ZNF254: variants seen among roughly 807,000 people sequenced by gnomAD.
ZNF254 encodes zinc finger protein 254.
ZNF254 carries 10 observed loss-of-function variants against 12.4 expected under a neutral mutation model. The observed-to-expected ratio is 0.80, with a 90% confidence interval of 0.50 to 1.36. ZNF254 has a LOEUF of 1.36. ZNF254 is among the 40% of genes most tolerant of loss of function. The pLI is 0.00. For synonymous variants in ZNF254, 305 were observed against 253.4 expected, an observed-to-expected ratio of 1.20 and a Z score of -1.93; for missense variants, 996 against 763.9, an observed-to-expected ratio of 1.30 and a Z score of -3.58.
intron 1 of ZNF254, among the ~76,000 whole-genome samples, chr19:24,088,964 CTTTTTTTTTTTTTT>C (rs74175785): frequency 9.9e-4 from 98 of 99,280 alleles, no homozygotes; most frequent in South Asian, 1.3e-3. Context: ...GCCAATTAAT[CTTTTTTTTTTTTTT>C]TTTTTTTTTT....
intron 1 of ZNF254, among the ~76,000 whole-genome samples, chr19:24,039,426 ATTTG>A (rs1450132072): frequency 1.3e-5 from 2 of 151,954 alleles, no homozygotes; most frequent in Non-Finnish European, 2.9e-5. Flanking sequence ...GTTGTTTTTT[ATTTG>A]TTTATTTTTT....
chr19:24,039,079 T>C (rs918479201), intron 1 of ZNF254, among the ~76,000 whole-genome samples: 7 of 152,252 alleles, frequency 4.6e-5, no homozygotes, highest in Non-Finnish European at 8.8e-5. Context: ...CCATTCTGTG[T>C]TGGAGCAGTC....
intron 1 of ZNF254, among the ~76,000 whole-genome samples, chr19:24,036,369 T>G (rs1286692027): frequency 2.6e-5 from 4 of 152,092 alleles, no homozygotes; most frequent in Non-Finnish European, 4.4e-5. Context: ...AACTATAATG[T>G]TTTGCTAAGT....
In ZNF254 at chr19:24,126,227, A is replaced by G. The variant is rs767710236; in HGVS notation, c.254-27A>G. 4.4e-6 allele frequency: 6 copies of G among 1,375,584 alleles called. No individual in the cohort carries two copies. The Admixed American group carries it at 1.5e-4, about 34-fold the overall frequency. 85.2% of individuals were successfully genotyped at this position (1,375,584 alleles called of 1,614,324 possible). ...TCATGTGAGTCTAGTAAGTGGAGTA[A>G]TTTATTTATTTTTATTTTTTTTTCA... is the stretch of plus-strand genomic sequence containing the variant. On this transcript the variant is annotated intron_variant, in intron 3 of 3. Transcript: ENST00000357002.
chr19:24,039,168 C>T (rs1368074213), intron 1 of ZNF254, among the ~76,000 whole-genome samples: 1 of 147,874 alleles, frequency 6.8e-6, no homozygotes, highest in Non-Finnish European at 1.5e-5. Context: ...TACCTAGAAT[C>T]CACACATAAG....
chr19:24,118,708 A>G (rs1403396012), intron 3 of ZNF254, among the ~76,000 whole-genome samples: 1 of 152,090 alleles, frequency 6.6e-6, no homozygotes, highest in African/African-American at 2.4e-5. Context: ...GAAGTGTAGT[A>G]TAGTTAAATT....
intron 3 of ZNF254, among the ~76,000 whole-genome samples, chr19:24,119,210 G>T (rs1453744987): frequency 1.3e-5 from 2 of 151,116 alleles, no homozygotes; most frequent in African/African-American, 2.4e-5. Flanking sequence ...TATTTTTTTT[G>T]AGATGAAGTC....
At chr19:24,044,602 C>T (rs1449687159) in intron 1 of ZNF254, among the ~76,000 whole-genome samples, 1 of 151,612 alleles carries the variant, frequency 6.6e-6, no homozygotes, top group African/African-American at 2.4e-5. Context: ...TATATTGATT[C>T]GTGTTTATAT....
intron 1 of ZNF254, among the ~76,000 whole-genome samples, chr19:24,037,364 C>T (rs1164344126): frequency 2.0e-5 from 3 of 152,146 alleles, no homozygotes; most frequent in South Asian, 2.1e-4. Flanking sequence ...CAGTCTTCAT[C>T]CTTGAAAATA....
intron 2 of ZNF254, among the ~76,000 whole-genome samples, chr19:24,073,942 C>T (rs577492993): frequency 2.0e-5 from 3 of 152,218 alleles, no homozygotes; most frequent in East Asian, 1.9e-4. Context: ...TTTGATTCTC[C>T]TCCCTGGTGC....
At chr19:24,117,159 TGAG>T (rs1201196160) in intron 3 of ZNF254, among the ~76,000 whole-genome samples, 4 of 152,080 alleles carry the variant, frequency 2.6e-5, no homozygotes, top group African/African-American at 4.8e-5. Context: ...GGGACCCACT[TGAG>T]GAGTCTGTCT....
At chr19:24,086,303 T>C (rs1267436223), upstream of ZNF254, among the ~76,000 whole-genome samples, 3 of 152,262 alleles carry the variant, frequency 2.0e-5, no homozygotes, top group East Asian at 5.8e-4. Flanking sequence ...ACTTTATTTT[T>C]GTTATTTTAT....
rs1176920870 is a variant in ZNF254, at chr19:24,071,573, G to A, written c.-94+25294G>A. Among the ~76,000 whole-genome samples the A allele has an allele frequency of 2.0e-5, 3 of 152,204 alleles. 1 individual carries two copies. The highest frequency in any genetic ancestry group is 2.0e-4 in the Admixed American group (3 of 15,282). ...ACATAGGGCATTTTGACATACCTCTGAAGCTCTAATTTAGGTAGACTGCTG... is the reference window on the plus strand; with the variant it reads ...ACATAGGGCATTTTGACATACCTCTAAAGCTCTAATTTAGGTAGACTGCTG... On this transcript the variant is annotated intron_variant, in intron 2 of 4. Coordinates refer to the ZNF254 transcript ENST00000613065.
At chr19:24,049,197 TA>T (rs1970531562) in intron 2 of ZNF254, among the ~76,000 whole-genome samples, 3 of 64,548 alleles carry the variant, frequency 4.6e-5, no homozygotes, top group South Asian at 5.5e-4. Context: ...TATATATATA[TA>T]TATATATATA....
Position 24,128,322 on chromosome 19 carries a change from A to T in ZNF254, c.*342A>T. On this transcript the variant is annotated 3_prime_UTR_variant, in exon 4 of 4. Coordinates refer to ENST00000357002, the MANE Select transcript of ZNF254 (RefSeq NM_203282.4). Reference sequence around the variant, plus strand: ...TTGGCAAAGTAAAAAATCCATTAACACCTGCTCACATCTTACTCAAAATTG... The same window carrying T: ...TTGGCAAAGTAAAAAATCCATTAACTCCTGCTCACATCTTACTCAAAATTG... 1 of 207,354 alleles carries T rather than the reference A, an allele frequency of 4.8e-6. No homozygotes were observed. The highest frequency in any genetic ancestry group is 2.3e-5 in the African/African-American group (1 of 43,638). The allele number at this position is 207,354 out of a possible 1,614,324, so 12.8% of individuals were successfully genotyped here.
At position 24,087,352 on chromosome 19, in the gene ZNF254, C is replaced by A. The variant is rs1485448620; in HGVS notation, c.30+15C>A. 1 of 1,613,476 alleles carries A rather than the reference C, an allele frequency of 6.2e-7. No homozygotes were observed. The highest frequency in any genetic ancestry group is 1.3e-5 in the African/African-American group (1 of 75,018). On this transcript the variant is annotated intron_variant, in intron 1 of 3. Coordinates refer to ENST00000357002, the MANE Select transcript of ZNF254 (RefSeq NM_203282.4). ...GCCTAGAAATGGTGAGAATGCCAGT[C>A]CGACATCCCGAGAGAGGGGAGGGGG...
At chr19:24,105,424 TG>T in intron 1 of ZNF254, 3 of 266,816 alleles carry the variant, frequency 1.1e-5, no homozygotes, top group Non-Finnish European at 1.4e-5. Flanking sequence ...AATAGTCTTT[TG>T]GGGCCAAAAC....
intron 1 of ZNF254, among the ~76,000 whole-genome samples, chr19:24,101,430 C>A (rs1568456936): frequency 6.6e-6 from 1 of 152,132 alleles, no homozygotes; most frequent in Non-Finnish European, 1.5e-5. Context: ...TTGACCTTTT[C>A]ACATCTTGTG....
rs148113691 is a variant in ZNF254 at position 24,127,697 on chromosome 19, G to T, written c.1697G>T (p.Arg566Ile). The stretch of plus-strand genomic sequence containing the variant: ...TCTTCAATCCTTACTAACCATAAGA[G>T]AATTCATACTGGAGAGAAACCCTAT... ...KQSSILTNHK[R>I]IHTGEKPYKC... is the part of the protein sequence containing the mutation. Residue 566 changes from arginine to isoleucine, a missense_variant, in exon 4 of 4, where the codon AGA becomes ATA. By Grantham distance (97) the Arg-to-Ile change is moderately conservative. Transcript: ENST00000357002. The T allele has an allele frequency of 1.8e-4, 297 of 1,612,700 alleles. 1 individual carries two copies. The African/African-American group carries it at 2.8e-3, about 15-fold the overall frequency.
Sources: allele counts gnomAD v4.1 joint callset (sites outside exome capture counted in the v4.1 genomes callset), GRCh38; gene constraint gnomAD v4.1.1; transcripts MANE v1.5; gene names NCBI Gene and HGNC (gene_info 2026-07-23, HGNC 2026-07-21).